Variants in GPR65 observed in about 807,000 individuals in gnomAD.
The protein encoded by GPR65 is T-cell death-associated gene 8 protein.
Under a neutral mutation model 0.7 loss-of-function variants are expected in GPR65, and 2 were observed. That is an observed-to-expected ratio of 2.83 (90% confidence interval 1.16 to 8.92). GPR65 has a LOEUF of 8.92. GPR65 is among the 30% of genes most tolerant of loss of function. The pLI is 0.04. For missense variants in GPR65, 379 were observed against 399.4 expected, an observed-to-expected ratio of 0.95 and a Z score of 0.43; for synonymous variants, 128 against 146.5, an observed-to-expected ratio of 0.87 and a Z score of 0.91.
At position 88,011,190 on chromosome 14, in the gene GPR65, G is replaced by C. The variant is rs760532795; in HGVS notation, c.343G>C (p.Ala115Pro). Residue 115 changes from alanine (A) to proline (P), a missense_variant, in exon 2 of 2, where the codon GCT becomes CCT. Transcript: ENST00000267549. ...LTCIAVDRYL[A>P]VVYPLKFFFL... ...CTGCATTGCCGTTGATCGGTATTTGGCTGTTGTCTACCCTTTGAAGTTTTT... is the reference window on the plus strand; with the variant it reads ...CTGCATTGCCGTTGATCGGTATTTGCCTGTTGTCTACCCTTTGAAGTTTTT... 8 of 1,613,728 alleles carry C rather than the reference G, an allele frequency of 5.0e-6. No individual in the cohort carries two copies. The highest frequency in any genetic ancestry group is 4.5e-5 in the East Asian group (2 of 44,874).
At chr14:88,007,368 C>T (rs2139780763) in intron 1 of GPR65, among the ~76,000 whole-genome samples, 1 of 152,030 alleles carries the variant, frequency 6.6e-6, no homozygotes, top group South Asian at 2.1e-4. Context: ...TATGGAATTC[C>T]AATTATGTAT....
At position 88,010,151 on chromosome 14, in the gene GPR65, C is replaced by T. The variant is rs539163612; in HGVS notation, c.-459-238C>T. 9.9e-5 allele frequency among the ~76,000 whole-genome samples: 15 copies of T among 152,242 alleles called. 1 individual carries two copies. The highest frequency in any genetic ancestry group is 2.2e-4 in the African/African-American group (9 of 41,556). ...GTTATATCCATTGAGAAATATAATT[C>T]GCTCTAATCTAACATGCCTCAGGTA... is the stretch of plus-strand genomic sequence containing the variant. On this transcript the variant is annotated intron_variant, in intron 1 of 1. Transcript: ENST00000267549.
chr14:88,006,121 C>G (rs777418802), intron 1 of GPR65, among the ~76,000 whole-genome samples: 18 of 152,298 alleles, frequency 1.2e-4, no homozygotes, highest in Non-Finnish European at 2.4e-4. Flanking sequence ...AAATTACACT[C>G]TGAGCACCTC....
At position 88,011,929 on chromosome 14, in the gene GPR65, T is replaced by G. The variant is rs530795132; in HGVS notation, c.*68T>G. On this transcript the variant is annotated 3_prime_UTR_variant, in exon 2 of 2. Coordinates refer to ENST00000267549, the MANE Select transcript of GPR65 (RefSeq NM_003608.4). ...TTATTATATCATCAAGATTACATTT[T>G]GAAAAGGAAATCTAGCATGTGAGGG... 5.0e-6 allele frequency: 6 copies of G among 1,203,048 alleles called. No individual in the cohort carries two copies. The African/African-American group carries it at 7.6e-5, about 15-fold the overall frequency. 74.5% of individuals were successfully genotyped at this position (1,203,048 alleles called of 1,614,324 possible).
intron 1 of GPR65, 126 bp from the exon 2 acceptor site, chr14:88,010,263 C>T (rs1887653559): frequency 1.3e-5 from 2 of 152,312 alleles, no homozygotes; most frequent in East Asian, 1.9e-4. Flanking sequence ...AACACCTTCA[C>T]TGTAACTTAA....
chr14:88,011,912 T>C lies in GPR65; in HGVS notation c.*51T>C, dbSNP rs1004963207. The C allele has an allele frequency of 1.6e-6, 2 of 1,289,838 alleles. No homozygotes were observed. Among genetic ancestry groups the C allele is most frequent in the Non-Finnish European group, 2.2e-6 (2 of 929,450 alleles). The allele number at this position is 1,289,838 out of a possible 1,614,324, so 79.9% of individuals were successfully genotyped here. A position where few individuals can be genotyped will look rare whatever the true frequency, so the allele number is the denominator to read the frequency against. On this transcript the variant is annotated 3_prime_UTR_variant, in exon 2 of 2. Coordinates refer to ENST00000267549, the MANE Select transcript of GPR65 (RefSeq NM_003608.4). ...GAAGTTTAAGTTATGCATTATTATATCATCAAGATTACATTTTGAAAAGGA... is the reference window on the plus strand; with the variant it reads ...GAAGTTTAAGTTATGCATTATTATACCATCAAGATTACATTTTGAAAAGGA...
intron 1 of GPR65, among the ~76,000 whole-genome samples, chr14:88,006,292 T>C (rs1177496789): frequency 1.3e-5 from 2 of 152,198 alleles, no homozygotes; most frequent in African/African-American, 4.8e-5. Context: ...CTTTGCTTCA[T>C]ATGTCGTTTC....
In GPR65 at chr14:88,011,358, T is replaced by C; in HGVS notation, c.511T>C (p.Tyr171His). The stretch of plus-strand genomic sequence containing the variant: ...CGAAAAGTCTAATTTTACTTTATGC[T>C]ATGACAAATACCCTTTAGAGAAATG... ...DAEKSNFTLC[Y>H]DKYPLEKWQI... Residue 171 changes from tyrosine (Y) to histidine (H), a missense_variant, in exon 2 of 2, where the codon TAT (tyrosine) becomes CAT (histidine). By Grantham distance (83) the Tyr-to-His change is moderately conservative. Transcript: ENST00000267549. 1 of 1,614,126 alleles carries C rather than the reference T, an allele frequency of 6.2e-7. No individual in the cohort carries two copies. The highest frequency in any genetic ancestry group is 8.5e-7 in the Non-Finnish European group (1 of 1,179,998).
intron 1 of GPR65, among the ~76,000 whole-genome samples, chr14:88,009,837 A>G (rs1156728577): frequency 6.6e-6 from 1 of 152,244 alleles, no homozygotes; most frequent in Non-Finnish European, 1.5e-5. Context: ...AAAGGAAATA[A>G]AAAGATAAAC....
At chr14:88,007,552 ATTT>A (rs1399086004) in intron 1 of GPR65, among the ~76,000 whole-genome samples, 2 of 150,668 alleles carry the variant, frequency 1.3e-5, no homozygotes, top group Admixed American at 6.6e-5. Flanking sequence ...AATTATTATT[ATTT>A]TTATTTTTAG....
intron 1 of GPR65, among the ~76,000 whole-genome samples, chr14:88,006,386 A>G (rs928913683): frequency 1.1e-4 from 16 of 152,142 alleles, no homozygotes; most frequent in African/African-American, 2.9e-4. Context: ...AGAAACACCA[A>G]TGGGCCCAGA....
At chr14:88,010,098 C>A (rs1166563941) in intron 1 of GPR65, among the ~76,000 whole-genome samples, 1 of 152,156 alleles carries the variant, frequency 6.6e-6, no homozygotes, top group Non-Finnish European at 1.5e-5. Context: ...GCTGAAATGA[C>A]TTTTTAAATT....
chr14:88,008,673 G>A (rs768740846), intron 1 of GPR65, among the ~76,000 whole-genome samples: 1 of 152,140 alleles, frequency 6.6e-6, no homozygotes, highest in Non-Finnish European at 1.5e-5. Flanking sequence ...CCTAGAGGTG[G>A]AATTGCTGGA....
At chr14:88,005,908 A>AACTC (rs1887588478) in intron 1 of GPR65, among the ~76,000 whole-genome samples, 1 of 152,212 alleles carries the variant, frequency 6.6e-6, no homozygotes, top group Non-Finnish European at 1.5e-5. Flanking sequence ...AAAAATTAAA[A>AACTC]ACTCACCAAA....
In GPR65 at chr14:88,011,714, G is replaced by A; in HGVS notation, c.867G>A (p.Leu289=). The change falls in exon 2 of 2, where the codon CTG becomes CTA. Residue 289 remains leucine, a synonymous_variant. Coordinates refer to ENST00000267549, the MANE Select transcript of GPR65 (RefSeq NM_003608.4). ...TSLNCVADPI[L]YCFVTETGRY... ...TAAATTGTGTTGCTGATCCAATTCT[G>A]TACTGTTTTGTAACCGAAACAGGAA... 6.2e-7 allele frequency: 1 copy of A among 1,613,728 alleles called. No homozygotes were observed. The highest frequency in any genetic ancestry group is 8.5e-7 in the Non-Finnish European group (1 of 1,179,736).
Position 88,011,087 on chromosome 14 carries a change from G to T in GPR65, c.240G>T (p.Trp80Cys). 1 of 1,613,882 alleles carries T rather than the reference G, an allele frequency of 6.2e-7. No individual in the cohort carries two copies. Among genetic ancestry groups the T allele is most frequent in the African/African-American group, 1.3e-5 (1 of 75,026 alleles). The part of the protein sequence containing the change: ...WIDYTWNKDN[W>C]TFSPALCKGS... The stretch of plus-strand genomic sequence containing the variant: ...ATTATACCTGGAATAAAGACAACTG[G>T]ACTTTCTCTCCTGCCTTGTGCAAAG... Residue 80 changes from tryptophan to cysteine, a missense_variant, in exon 2 of 2, where the codon TGG (tryptophan) becomes TGT (cysteine). Transcript: ENST00000267549.
rs936654886 is a variant in GPR65 at position 88,012,915 on chromosome 14, A to G, written c.*1054A>G. 5.3e-5 allele frequency: 8 copies of G among 152,166 alleles called. No individual in the cohort carries two copies. The highest frequency in any genetic ancestry group is 1.9e-4 in the African/African-American group (8 of 41,446). 9.4% of individuals were successfully genotyped at this position (152,166 alleles called of 1,614,324 possible). A position where few individuals can be genotyped will look rare whatever the true frequency, so the allele number is the denominator to read the frequency against. The stretch of plus-strand genomic sequence containing the variant: ...GAAAAGGAAATAGGCTCTGAGTTTT[A>G]TTTTGATCTCTTTTTAATTTATAAC... On this transcript the variant is annotated 3_prime_UTR_variant, in exon 2 of 2. Coordinates refer to ENST00000267549, the MANE Select transcript of GPR65 (RefSeq NM_003608.4).
At position 88,011,887 on chromosome 14, in the gene GPR65, G is replaced by A; in HGVS notation, c.*26G>A. 4.7e-6 allele frequency: 7 copies of A among 1,487,598 alleles called. No homozygotes were observed. The highest frequency in any genetic ancestry group is 6.3e-6 in the Non-Finnish European group (7 of 1,106,790). 92.1% of individuals were successfully genotyped at this position (1,487,598 alleles called of 1,614,324 possible). A position where few individuals can be genotyped will look rare whatever the true frequency, so the allele number is the denominator to read the frequency against. On this transcript the variant is annotated 3_prime_UTR_variant, in exon 2 of 2. Transcript: ENST00000267549. ...AACCAAGGATGTTTTGAAGGGAAGGGAAGTTTAAGTTATGCATTATTATAT... is the reference window on the plus strand; with the variant it reads ...AACCAAGGATGTTTTGAAGGGAAGGAAAGTTTAAGTTATGCATTATTATAT...
intron 1 of GPR65, among the ~76,000 whole-genome samples, chr14:88,006,814 T>C (rs933374177): frequency 1.3e-5 from 2 of 152,156 alleles, no homozygotes; most frequent in African/African-American, 4.8e-5. Flanking sequence ...CCGCGGGGGC[T>C]GATTCAATCT....
Sources: gnomAD v4.1 joint callset for allele counts (sites outside exome capture counted in the v4.1 genomes callset) on GRCh38, gnomAD v4.1.1 for gene constraint, MANE v1.5 for transcripts, NCBI Gene and HGNC (gene_info 2026-07-23, HGNC 2026-07-21) for gene names.